SNX2: variants seen among roughly 807,000 people sequenced by gnomAD.
SNX2 encodes sorting nexin-2.
A neutral mutation model predicts 69.9 loss-of-function variants in SNX2; 25 were observed. That is an observed-to-expected ratio of 0.36 (90% confidence interval 0.26 to 0.50). The LOEUF is 0.50. Among genes scored for constraint, SNX2 ranks in the 20% least tolerant of loss-of-function variants. SNX2 has a pLI of 0.97. For missense variants in SNX2, 551 were observed against 613.3 expected, an observed-to-expected ratio of 0.90 and a Z score of 1.07; for synonymous variants, 229 against 200.4, an observed-to-expected ratio of 1.14 and a Z score of -1.20.
At chr5:122,783,876 A>G (rs1233104139) in intron 1 of SNX2, among the ~76,000 whole-genome samples, 1 of 151,760 alleles carries the variant, frequency 6.6e-6, no homozygotes, top group Non-Finnish European at 1.5e-5. Flanking sequence ...ACCCATTAAC[A>G]ATATTGAGCC....
intron 1 of SNX2, among the ~76,000 whole-genome samples, chr5:122,780,630 C>T (rs1306232077): frequency 2.0e-5 from 3 of 146,926 alleles, no homozygotes; most frequent in Admixed American, 6.9e-5. Flanking sequence ...AGTGCAGTGG[C>T]GCAACCTCAG....
intron 5 of SNX2, among the ~76,000 whole-genome samples, chr5:122,802,382 G>A (rs1753536606): frequency 6.6e-6 from 1 of 152,136 alleles, no homozygotes. Context: ...GAGGAGGGGG[G>A]GAAGAAGAAG....
chr5:122,784,328 C>T (rs1474779202), intron 1 of SNX2, among the ~76,000 whole-genome samples: 1 of 149,670 alleles, frequency 6.7e-6, no homozygotes, highest in Non-Finnish European at 1.5e-5. Context: ...AAGATGTTAT[C>T]TGTAAGGTTT....
chr5:122,814,753 T>TTTTTTTG (rs11269917), intron 7 of SNX2, among the ~76,000 whole-genome samples: 35 of 151,124 alleles, frequency 2.3e-4, no homozygotes, highest in African/African-American at 8.5e-4. Context: ...GATAGCAGGT[T>TTTTTTTG]TTTTTTTGTT....
In SNX2 at chr5:122,795,396, T is replaced by C; in HGVS notation, c.226+13T>C. ...GATCTTTTTGCAGGTAATTGTCATG[T>C]ATTTATTTTTTAATAATGGTCAATT... On this transcript the variant is annotated intron_variant, in intron 2 of 14. Transcript: ENST00000379516. 6.6e-7 allele frequency: 1 copy of C among 1,518,346 alleles called. No homozygotes were observed. The highest frequency in any genetic ancestry group is 1.4e-5 in the African/African-American group (1 of 72,728). The allele number at this position is 1,518,346 out of a possible 1,614,324, so 94.1% of individuals were successfully genotyped here.
chr5:122,830,962 T>G lies in SNX2; in HGVS notation c.*1314T>G, dbSNP rs1183251789. ...AGGTGGAGGTTGCAGTGAGCCAAGA[T>G]CATGCCGTTGCACGCCAGCCTAGGC... On this transcript the variant is annotated 3_prime_UTR_variant, in exon 15 of 15. Transcript: ENST00000379516. Among the ~76,000 whole-genome samples, 1 of 128,754 alleles carries G rather than the reference T, an allele frequency of 7.8e-6. No homozygotes were observed. The highest frequency in any genetic ancestry group is 1.5e-5 in the Non-Finnish European group (1 of 65,076). 84.5% of individuals were successfully genotyped at this position (128,754 alleles called of 152,430 possible).
rs3990570 is a variant in SNX2 at position 122,829,775 on chromosome 5, T to TACACACACAC, written c.*154_*163dup. 9.9e-5 allele frequency: 52 copies of TACACACACAC among 525,588 alleles called. No homozygotes were observed. The highest frequency in any genetic ancestry group is 4.1e-4 in the African/African-American group (21 of 50,610). The allele number at this position is 525,588 out of a possible 1,614,324, so 32.6% of individuals were successfully genotyped here. The stretch of plus-strand genomic sequence containing the variant: ...TTTATGAATTACATGTGGTTTTATA[T>TACACACACAC]ACACACACACACACACACACACACA... On this transcript the variant is annotated 3_prime_UTR_variant, in exon 15 of 15. Coordinates refer to ENST00000379516, the MANE Select transcript of SNX2 (RefSeq NM_003100.4).
At chr5:122,775,691 T>C (rs761068571) in intron 1 of SNX2, 398 of 985,960 alleles carry the variant, frequency 4.0e-4, no homozygotes, top group Non-Finnish European at 4.7e-4. Flanking sequence ...GGGTGCACTT[T>C]CCCAGGAATG....
chr5:122,792,642 G>C (rs1471332375), intron 1 of SNX2, among the ~76,000 whole-genome samples: 2 of 150,892 alleles, frequency 1.3e-5, no homozygotes, highest in Admixed American at 6.6e-5. Flanking sequence ...AGAAAATATT[G>C]ATACAATTTG....
chr5:122,810,324 A>G (rs1239770936), intron 7 of SNX2, among the ~76,000 whole-genome samples: 2 of 146,810 alleles, frequency 1.4e-5, no homozygotes, highest in African/African-American at 2.6e-5. Flanking sequence ...TTGTTTATCT[A>G]CTGACCTTCC....
intron 7 of SNX2, chr5:122,808,611 A>G (rs570612782): frequency 7.3e-6 from 2 of 275,498 alleles, no homozygotes; most frequent in South Asian, 1.6e-4. Context: ...TATATGCTAC[A>G]AGCAGGAGCA....
At chr5:122,818,683 C>T in intron 10 of SNX2, 135 bp from the exon 11 acceptor site, 1 of 687,790 alleles carries the variant, frequency 1.5e-6, no homozygotes. Flanking sequence ...CTAATTGTTT[C>T]ATATTAATTA....
chr5:122,810,234 C>A (rs962587306), intron 7 of SNX2, among the ~76,000 whole-genome samples: 1 of 151,010 alleles, frequency 6.6e-6, no homozygotes, highest in South Asian at 2.1e-4. Flanking sequence ...ACCACTCCCT[C>A]ATCTTAAGTA....
At position 122,827,605 on chromosome 5, in the gene SNX2, A is replaced by C. The variant is rs200347049; in HGVS notation, c.1468A>C (p.Ile490Leu). The part of the protein sequence containing the change: ...KERVKDFKTV[I>L]IKYLESLVQT... ...ACGAGTGAAGGATTTTAAAACCGTT[A>C]TCATCAAGTACTTAGAATCACTAGT... Residue 490 changes from isoleucine to leucine, a missense_variant, in exon 14 of 15, where the codon ATC becomes CTC. Ile to Leu is a conservative substitution (Grantham distance 5, BLOSUM62 2). This residue lies in a region of SNX2 where 360 missense variants were observed against 450.4 expected (regional missense o/e 0.80). Coordinates refer to ENST00000379516, the MANE Select transcript of SNX2 (RefSeq NM_003100.4). 6.2e-7 allele frequency: 1 copy of C among 1,613,488 alleles called. No homozygotes were observed. Among genetic ancestry groups the C allele is most frequent in the East Asian group, 2.2e-5 (1 of 44,800 alleles).
chr5:122,794,838 A>G lies in SNX2; in HGVS notation c.109-428A>G, dbSNP rs533468577. ...GGAGTTCAAGCTGGGCAACATGGTG[A>G]AACCCCATCTCTACAAAAAATAAAT... On this transcript the variant is annotated intron_variant, in intron 1 of 14. Coordinates refer to ENST00000379516, the MANE Select transcript of SNX2 (RefSeq NM_003100.4). 5.3e-5 allele frequency among the ~76,000 whole-genome samples: 8 copies of G among 152,140 alleles called. 1 individual carries two copies. The highest frequency in any genetic ancestry group is 4.6e-4 in the Admixed American group (7 of 15,282).
rs1417351721 is a variant in SNX2, at chr5:122,832,662, C to G, written c.*3014C>G. 1 of 152,020 alleles carries G rather than the reference C, an allele frequency of 6.6e-6. No individual in the cohort carries two copies. The highest frequency in any genetic ancestry group is 6.6e-5 in the Admixed American group (1 of 15,258). The allele number at this position is 152,020 out of a possible 1,614,324, so 9.4% of individuals were successfully genotyped here. ...TAAATGGCTTTAACTATGACATAAG[C>G]CTTTTAACATAATCAGCTTTCTTTA... is the stretch of plus-strand genomic sequence containing the variant. On this transcript the variant is annotated 3_prime_UTR_variant, in exon 15 of 15. Coordinates refer to ENST00000379516, the MANE Select transcript of SNX2 (RefSeq NM_003100.4).
intron 1 of SNX2, among the ~76,000 whole-genome samples, chr5:122,790,781 T>C (rs1753216036): frequency 6.6e-6 from 1 of 152,204 alleles, no homozygotes; most frequent in South Asian, 2.1e-4. Context: ...GGAAAATATC[T>C]GGATTTCTGA....
At chr5:122,809,079 T>TA (rs1268184298) in intron 7 of SNX2, among the ~76,000 whole-genome samples, 2 of 152,154 alleles carry the variant, frequency 1.3e-5, no homozygotes, top group African/African-American at 4.8e-5. Context: ...AAAAAATAAT[T>TA]ACATCTATAC....
chr5:122,810,373 GCGAGAA>G (rs1313349414), intron 7 of SNX2, among the ~76,000 whole-genome samples: 1 of 129,628 alleles, frequency 7.7e-6, no homozygotes, highest in African/African-American at 3.0e-5. Flanking sequence ...ATCCCCCTCT[GCGAGAA>G]ACACCCAAGA....
Sources: gnomAD v4.1 joint callset for allele counts (sites outside exome capture counted in the v4.1 genomes callset) on GRCh38, gnomAD v4.1.1 for gene constraint, gnomAD v4.1.1 regional missense constraint, MANE v1.5 for transcripts, NCBI Gene and HGNC (gene_info 2026-07-23, HGNC 2026-07-21) for gene names.